ST3GAL2: variants seen among roughly 807,000 people sequenced by gnomAD.
ST3GAL2 encodes the protein CMP-N-acetylneuraminate-beta-galactosamide-alpha-2,3-sialyltransferase 2.
A neutral mutation model predicts 37.5 loss-of-function variants in ST3GAL2; 16 were observed. The ratio of observed to expected loss-of-function variants is 0.43; its 90% confidence interval spans 0.29 to 0.65. ST3GAL2 has a LOEUF of 0.65. Among genes scored for constraint, ST3GAL2 ranks in the 30% least tolerant of loss-of-function variants. The pLI is 0.17. For synonymous variants in ST3GAL2, 238 were observed against 202.9 expected (o/e 1.17, Z -1.47); for missense variants, 383 against 487.8 (o/e 0.79, Z 2.02).
Position 70,381,368 on chromosome 16 carries a change from A to C in ST3GAL2, c.*321T>G. On this transcript the variant is annotated 3_prime_UTR_variant, in exon 7 of 7. Coordinates refer to ENST00000342907, the MANE Select transcript of ST3GAL2 (RefSeq NM_006927.4). ...TGCTCTCCTCCTCAGAAAGCGTGAA[A>C]GAAAACCCTAACCCAAAGCATGAGG... is the stretch of plus-strand genomic sequence containing the variant. The C allele has an allele frequency of 3.7e-6, 1 of 267,826 alleles. No individual in the cohort carries two copies. Among genetic ancestry groups the C allele is most frequent in the Non-Finnish European group, 7.2e-6 (1 of 139,318 alleles). The allele number at this position is 267,826 out of a possible 1,614,324, so 16.6% of individuals were successfully genotyped here. A position where few individuals can be genotyped will look rare whatever the true frequency, so the allele number is the denominator to read the frequency against.
chr16:70,426,579 T>G (rs571254786), intron 1 of ST3GAL2, among the ~76,000 whole-genome samples: 1 of 150,500 alleles, frequency 6.6e-6, no homozygotes, highest in Non-Finnish European at 1.5e-5. Flanking sequence ...TGGCGCAATC[T>G]CGGCTCACCA....
At chr16:70,434,732 T>A (rs139485967) in intron 1 of ST3GAL2, among the ~76,000 whole-genome samples, 1 of 152,132 alleles carries the variant, frequency 6.6e-6, no homozygotes, top group Non-Finnish European at 1.5e-5. Context: ...AAGCACTCAA[T>A]GAACAGCAGC....
chr16:70,421,693 C>T (rs1385076756), intron 1 of ST3GAL2, among the ~76,000 whole-genome samples: 1 of 152,190 alleles, frequency 6.6e-6, no homozygotes, highest in Non-Finnish European at 1.5e-5. Flanking sequence ...AGCCCCACCC[C>T]TCCTTGAGAC....
Position 70,388,557 on chromosome 16 carries a change from A to G in ST3GAL2, c.534-11T>C. 2 of 1,560,668 alleles carry G rather than the reference A, an allele frequency of 1.3e-6. No individual in the cohort carries two copies. Among genetic ancestry groups the G allele is most frequent in the Non-Finnish European group, 1.7e-6 (2 of 1,151,656 alleles). On this transcript the variant is annotated splice_polypyrimidine_tract_variant and intron_variant, in intron 3 of 6. Transcript: ENST00000342907. ...GGCGCCTGATTCATCCTGCAGGGAC[A>G]AGAGGGTGACATGAGAATCAACTGC...
intron 1 of ST3GAL2, among the ~76,000 whole-genome samples, chr16:70,409,474 G>A (rs182075860): frequency 1.6e-4 from 25 of 152,232 alleles, no homozygotes; most frequent in Middle Eastern, 3.4e-3. Context: ...CTCCTGAGTA[G>A]CTGGGATTAC....
rs1158072752 is a variant in ST3GAL2, at chr16:70,426,200, T to TG, written c.-1004+12748_-1004+12749insC. On this transcript the variant is annotated intron_variant, in intron 1 of 6. Transcript: ENST00000342907. ...CAAAGCCTTTTTTTTTTTTTTTTTTTTTTTTGTTTTTGAGACTGAATCTCA... is the reference window on the plus strand; with the variant it reads ...CAAAGCCTTTTTTTTTTTTTTTTTTTGTTTTTGTTTTTGAGACTGAATCTCA... 3.6e-3 allele frequency among the ~76,000 whole-genome samples: 490 copies of TG among 136,288 alleles called. 1 individual carries two copies. The highest frequency in any genetic ancestry group is 0.01 in the Middle Eastern group (3 of 286). 89.4% of individuals were successfully genotyped at this position (136,288 alleles called of 152,430 possible).
At chr16:70,387,312 T>C (rs1354028786) in intron 4 of ST3GAL2, among the ~76,000 whole-genome samples, 1 of 151,500 alleles carries the variant, frequency 6.6e-6, no homozygotes, top group South Asian at 2.1e-4. Flanking sequence ...CTCAACACGA[T>C]GGGAGCCTGA....
chr16:70,418,898 C>T (rs2047694048), intron 1 of ST3GAL2, among the ~76,000 whole-genome samples: 1 of 152,184 alleles, frequency 6.6e-6, no homozygotes, highest in Admixed American at 6.5e-5. Context: ...ACAGAGCCCC[C>T]CACACCAGAG....
intron 1 of ST3GAL2, among the ~76,000 whole-genome samples, chr16:70,404,097 T>C (rs957561561): frequency 2.0e-5 from 3 of 152,114 alleles, no homozygotes; most frequent in Non-Finnish European, 2.9e-5. Flanking sequence ...TAGAGGGATA[T>C]ATCTGAGAGT....
chr16:70,438,730 G>A (rs1048625195), intron 1 of ST3GAL2, among the ~76,000 whole-genome samples: 4 of 152,164 alleles, frequency 2.6e-5, no homozygotes, highest in Admixed American at 6.5e-5. Context: ...GGGAGCGGCT[G>A]GACGTGCAAA....
intron 1 of ST3GAL2, among the ~76,000 whole-genome samples, chr16:70,417,385 C>T (rs1426660567): frequency 2.0e-5 from 3 of 152,042 alleles, no homozygotes; most frequent in East Asian, 1.9e-4. Flanking sequence ...AGGAAGGTTG[C>T]GGTTTCAGGG....
At chr16:70,381,896 C>G (rs746914218) in intron 6 of ST3GAL2, 34 bp from the exon 7 acceptor site, 1 of 1,609,758 alleles carries the variant, frequency 6.2e-7, no homozygotes, top group Admixed American at 1.7e-5. Flanking sequence ...TCACCCCAGG[C>G]GGGGACCTGG....
chr16:70,425,841 C>G (rs1212279060), intron 1 of ST3GAL2, among the ~76,000 whole-genome samples: 1 of 152,208 alleles, frequency 6.6e-6, no homozygotes, highest in East Asian at 1.9e-4. Context: ...AGAAGTGGTC[C>G]GGGTACTGAC....
In ST3GAL2 at chr16:70,408,708, T is replaced by C. The variant is rs1163608112; in HGVS notation, c.-1003-9175A>G. ...TCTGAAATCTCAGCTCTGGTACCTC[T>C]TGATGCCGCCCAGAGTTTGTAGCCA... is the stretch of plus-strand genomic sequence containing the variant. On this transcript the variant is annotated intron_variant, in intron 1 of 6. Coordinates refer to ENST00000342907, the MANE Select transcript of ST3GAL2 (RefSeq NM_006927.4). Among the ~76,000 whole-genome samples the C allele has an allele frequency of 3.3e-5, 5 of 151,516 alleles. No homozygotes were observed. In the East Asian group the frequency reaches 7.7e-4, roughly 23 times the overall value.
intron 3 of ST3GAL2, among the ~76,000 whole-genome samples, chr16:70,389,244 A>AAAAAAAAAAAAAAAAAAAAT (rs2047465666): frequency 7.8e-6 from 1 of 128,628 alleles, no homozygotes; most frequent in African/African-American, 2.9e-5. Context: ...AAAAAAAAAA[A>AAAAAAAAAAAAAAAAAAAAT]GGTTACTAAC....
chr16:70,381,915 G>A, intron 6 of ST3GAL2, 53 bp from the exon 7 acceptor site: 1 of 1,602,088 alleles, frequency 6.2e-7, no homozygotes, highest in East Asian at 2.2e-5. Context: ...GGAGGATGGC[G>A]CGGGGCGGGC....
At chr16:70,421,478 C>T (rs751786651) in intron 1 of ST3GAL2, among the ~76,000 whole-genome samples, 1 of 152,226 alleles carries the variant, frequency 6.6e-6, no homozygotes, top group Non-Finnish European at 1.5e-5. Context: ...AGACAACATC[C>T]ATCGTGCCAT....
chr16:70,394,943 C>T, intron 3 of ST3GAL2, 39 bp downstream of exon 3: 3 of 1,594,436 alleles, frequency 1.9e-6, no homozygotes, highest in Non-Finnish European at 2.6e-6. Flanking sequence ...TTCCCGGAGG[C>T]CCATCCTGAG....
intron 1 of ST3GAL2, among the ~76,000 whole-genome samples, chr16:70,434,383 G>A (rs1222181164): frequency 6.7e-6 from 1 of 149,514 alleles, no homozygotes; most frequent in African/African-American, 2.5e-5. Flanking sequence ...GTTGCAGTGA[G>A]CCGAGATCAC....
Sources: gnomAD v4.1 joint callset for allele counts (sites outside exome capture counted in the v4.1 genomes callset) on GRCh38, gnomAD v4.1.1 for gene constraint, MANE v1.5 for transcripts, NCBI Gene and HGNC (gene_info 2026-07-23, HGNC 2026-07-21) for gene names.